Variants in PKHD1 observed in about 807,000 individuals in gnomAD.
PKHD1 encodes the protein PKHD1 ciliary IPT domain containing fibrocystin/polyductin, also known as fibrocystin.
A neutral mutation model predicts 412.0 loss-of-function variants in PKHD1; 291 were observed. That is an observed-to-expected ratio of 0.71 (90% CI 0.64 to 0.78). PKHD1 has a LOEUF of 0.78. Among genes scored for constraint, PKHD1 ranks in the 30% least tolerant of loss-of-function variants. The probability of loss-of-function intolerance (pLI) is 0.00; values close to 1 mark genes in which losing one functional copy is unlikely to be tolerated. For missense variants in PKHD1, 4,825 were observed against 4,950.7 expected (o/e 0.97, Z 0.76); for synonymous variants, 1,777 against 1,821.5 (o/e 0.98, Z 0.62).
chr6:51,941,667 T>C (rs1788596181), intron 36 of PKHD1, among the ~76,000 whole-genome samples: 1 of 151,872 alleles, frequency 6.6e-6, no homozygotes, highest in Admixed American at 6.6e-5. Context: ...ATCAACCAAA[T>C]TGTTTTGCCT....
At chr6:51,805,484 ATACT>A (rs1268432382) in intron 52 of PKHD1, among the ~76,000 whole-genome samples, 1 of 152,190 alleles carries the variant, frequency 6.6e-6, no homozygotes, top group Admixed American at 6.5e-5. Flanking sequence ...GCGTTATGTA[ATACT>A]TACATGTAAC....
intron 49 of PKHD1, among the ~76,000 whole-genome samples, chr6:51,853,000 A>G (rs991875164): frequency 6.6e-6 from 1 of 152,058 alleles, no homozygotes; most frequent in Non-Finnish European, 1.5e-5. Context: ...GTTTCTTTGT[A>G]GTGTCATTGG....
intron 55 of PKHD1, among the ~76,000 whole-genome samples, chr6:51,757,565 C>T (rs1787225325): frequency 6.6e-6 from 1 of 152,126 alleles, no homozygotes; most frequent in Middle Eastern, 3.2e-3. Flanking sequence ...TCTCTTTCCA[C>T]TGAATGCCCA....
chr6:51,624,618 C>T (rs1229843975), intron 66 of PKHD1, among the ~76,000 whole-genome samples: 1 of 152,102 alleles, frequency 6.6e-6, no homozygotes, highest in Non-Finnish European at 1.5e-5. Context: ...TTTTTTTCCC[C>T]AGCAGTTGTA....
At chr6:51,915,247 A>T (rs1424866633) in intron 37 of PKHD1, among the ~76,000 whole-genome samples, 1 of 152,094 alleles carries the variant, frequency 6.6e-6, no homozygotes, top group Non-Finnish European at 1.5e-5. Context: ...AGATTCTCTC[A>T]CCAACTCACT....
At chr6:51,767,584 G>T (rs1263223484) in intron 55 of PKHD1, among the ~76,000 whole-genome samples, 1 of 152,052 alleles carries the variant, frequency 6.6e-6, no homozygotes, top group Non-Finnish European at 1.5e-5. Flanking sequence ...TTGTGTCCTT[G>T]TGATAGTTTG....
chr6:51,901,704 A>G (rs1366874514), intron 43 of PKHD1, among the ~76,000 whole-genome samples: 1 of 150,058 alleles, frequency 6.7e-6, no homozygotes, highest in Non-Finnish European at 1.5e-5. Context: ...AAAAAAAAAA[A>G]AGAACTTTAA....
chr6:52,034,519 A>T lies in PKHD1; in HGVS notation c.3228+1072T>A, dbSNP rs567352479. Among the ~76,000 whole-genome samples the T allele has an allele frequency of 7.2e-5, 11 of 152,326 alleles. No individual in the cohort carries two copies. In the East Asian group the frequency reaches 2.1e-3, roughly 29 times the overall value. On this transcript the variant is annotated intron_variant, in intron 28 of 66. Coordinates refer to ENST00000371117, the MANE Select transcript of PKHD1 (RefSeq NM_138694.4). ...AATGGCAAATATATATTAAAATAAT[A>T]AAGTGATAACCCAGTATTGGCCAAA...
At chr6:51,807,175 C>T (rs1161935566) in intron 52 of PKHD1, among the ~76,000 whole-genome samples, 1 of 143,160 alleles carries the variant, frequency 7.0e-6, no homozygotes, top group Non-Finnish European at 1.5e-5. Context: ...TGCCTGTAAT[C>T]GAAGCACTTT....
At chr6:51,625,996 T>A (rs1321510700) in intron 66 of PKHD1, among the ~76,000 whole-genome samples, 2 of 151,716 alleles carry the variant, frequency 1.3e-5, no homozygotes, top group African/African-American at 4.8e-5. Flanking sequence ...GGAACTGGAG[T>A]ATGGCTAACT....
intron 60 of PKHD1, among the ~76,000 whole-genome samples, chr6:51,736,595 T>G (rs1326664259): frequency 6.6e-6 from 1 of 152,222 alleles, no homozygotes. Context: ...AAATATCTGC[T>G]GAAATTAAAG....
intron 60 of PKHD1, among the ~76,000 whole-genome samples, chr6:51,698,089 C>T (rs1161657360): frequency 6.6e-6 from 1 of 152,104 alleles, no homozygotes; most frequent in African/African-American, 2.4e-5. Flanking sequence ...TATCAATGAT[C>T]AATTATTTGG....
chr6:51,763,811 A>G (rs9370051), intron 55 of PKHD1, among the ~76,000 whole-genome samples: 48,587 of 151,780 alleles, frequency 0.32, 9,666 homozygotes, highest in East Asian at 0.69. Context: ...ATCTACTATC[A>G]AGCTCTCCTG....
chr6:51,955,970 T>A (rs1337303381), intron 36 of PKHD1, among the ~76,000 whole-genome samples: 1 of 152,114 alleles, frequency 6.6e-6, no homozygotes, highest in Non-Finnish European at 1.5e-5. Context: ...GTTGTTGTTG[T>A]TGATGATGAT....
At chr6:51,998,386 G>T (rs1797955436) in intron 35 of PKHD1, among the ~76,000 whole-genome samples, 1 of 152,180 alleles carries the variant, frequency 6.6e-6, no homozygotes, top group African/African-American at 2.4e-5. Context: ...CTGTCACAGA[G>T]GGAATAACTG....
At chr6:51,884,601 T>C (rs916999109) in intron 45 of PKHD1, among the ~76,000 whole-genome samples, 7 of 152,260 alleles carry the variant, frequency 4.6e-5, no homozygotes, top group African/African-American at 1.2e-4. Flanking sequence ...ATTTAAACTT[T>C]TTGATTAATC....
Position 52,024,962 on chromosome 6 carries a change from C to T in PKHD1, c.4848G>A (p.Val1616=). 1 of 1,614,228 alleles carries T rather than the reference C, an allele frequency of 6.2e-7. No homozygotes were observed. The highest frequency in any genetic ancestry group is 8.5e-7 in the Non-Finnish European group (1 of 1,180,046). ...VYIDQQTCLT[V]NIGAELIRCI... The stretch of plus-strand genomic sequence containing the variant: ...ACCGGATGAGCTCAGCACCGATGTT[C>T]ACCGTCAGGCAGGTCTGCTGGTCAA... The change falls in exon 32 of 67, where the codon GTG becomes GTA. Residue 1616 remains valine (V), a synonymous_variant. Coordinates refer to ENST00000371117, the MANE Select transcript of PKHD1 (RefSeq NM_138694.4).
At chr6:51,626,853 TATA>T in intron 66 of PKHD1, 141 bp downstream of exon 66, 1 of 797,046 alleles carries the variant, frequency 1.3e-6, no homozygotes, top group South Asian at 1.4e-5. Context: ...TCTGCTGGGG[TATA>T]ATTTCTTTGA....
chr6:51,990,110 C>T, intron 35 of PKHD1, among the ~76,000 whole-genome samples: 1 of 151,074 alleles, frequency 6.6e-6, no homozygotes, highest in Admixed American at 6.6e-5. Flanking sequence ...GATTGTCCTC[C>T]TGGTGTGACC....
Sources: allele counts gnomAD v4.1 joint callset (sites outside exome capture counted in the v4.1 genomes callset), GRCh38; gene constraint gnomAD v4.1.1; transcripts MANE v1.5; gene names NCBI Gene and HGNC (gene_info 2026-07-23, HGNC 2026-07-21).